The following MICU1 variants were observed in gnomAD, a reference collection of about 807,000 sequenced individuals.
MICU1 encodes mitochondrial calcium uptake 1.
MICU1 carries 45 observed loss-of-function variants against 56.8 expected under a neutral mutation model. The ratio of observed to expected loss-of-function variants is 0.79; its 90% CI spans 0.62 to 1.02. The LOEUF (loss-of-function observed/expected upper bound fraction) is 1.02, where lower values mean the gene tolerates loss of function less well. Among genes scored for constraint, MICU1 ranks in the 50% least tolerant of loss-of-function variants. MICU1 has a pLI of 0.00. For missense variants in MICU1, 504 were observed against 587.1 expected (o/e 0.86, Z 1.46); for synonymous variants, 186 against 195.1 (o/e 0.95, Z 0.39).
intron 8 of MICU1, among the ~76,000 whole-genome samples, chr10:72,429,332 A>G (rs1480064037): frequency 6.6e-6 from 1 of 151,414 alleles, no homozygotes; most frequent in African/African-American, 2.4e-5. Context: ...AGGCAAGGGA[A>G]TCAGTTGAAC....
At chr10:72,372,508 C>T (rs1357035649) in intron 11 of MICU1, among the ~76,000 whole-genome samples, 2 of 151,994 alleles carry the variant, frequency 1.3e-5, no homozygotes, top group Non-Finnish European at 2.9e-5. Flanking sequence ...ATTAAGAGAA[C>T]AGAAAGTTCT....
At chr10:72,534,042 T>A (rs1026275069) in intron 4 of MICU1, among the ~76,000 whole-genome samples, 1 of 152,132 alleles carries the variant, frequency 6.6e-6, no homozygotes, top group Non-Finnish European at 1.5e-5. Flanking sequence ...TATTCAACAG[T>A]AGAGTCCAGT....
intron 1 of MICU1, among the ~76,000 whole-genome samples, chr10:72,611,757 A>T (rs1213444412): frequency 6.6e-6 from 1 of 152,182 alleles, no homozygotes; most frequent in Non-Finnish European, 1.5e-5. Context: ...GAGCTGAAAG[A>T]GACCTTAACA....
intron 10 of MICU1, among the ~76,000 whole-genome samples, chr10:72,399,299 C>T (rs542211288): frequency 6.6e-6 from 1 of 151,328 alleles, no homozygotes; most frequent in Admixed American, 6.6e-5. Context: ...ACATCACACA[C>T]TGGGGCCTGT....
chr10:72,584,200 G>A (rs950287457), intron 1 of MICU1, among the ~76,000 whole-genome samples: 1 of 151,970 alleles, frequency 6.6e-6, no homozygotes, highest in African/African-American at 2.4e-5. Context: ...GAACCTCCAT[G>A]GTTCACCTTC....
chr10:72,448,121 A>ATATGTGTG (rs1554872385), intron 8 of MICU1, among the ~76,000 whole-genome samples: 12 of 121,786 alleles, frequency 9.9e-5, no homozygotes, highest in Non-Finnish European at 1.8e-4. Flanking sequence ...GTTTATATAT[A>ATATGTGTG]TGTGTGTGTG....
intron 9 of MICU1, among the ~76,000 whole-genome samples, chr10:72,422,856 C>A (rs1352262253): frequency 2.4e-5 from 1 of 42,052 alleles, no homozygotes; most frequent in Non-Finnish European, 5.8e-5. Context: ...ATTATGGGCA[C>A]GCGCCACCAT....
chr10:72,550,427 G>T (rs892341014), intron 4 of MICU1, among the ~76,000 whole-genome samples: 1 of 152,132 alleles, frequency 6.6e-6, no homozygotes, highest in African/African-American at 2.4e-5. Flanking sequence ...AATCACCTAA[G>T]GACACATTAC....
At chr10:72,601,631 T>A (rs1490930611) in intron 1 of MICU1, among the ~76,000 whole-genome samples, 2 of 151,948 alleles carry the variant, frequency 1.3e-5, no homozygotes, top group African/African-American at 4.8e-5. Flanking sequence ...CATATAAATT[T>A]ATTTAATGTA....
At chr10:72,453,393 T>A (rs948494322) in intron 8 of MICU1, among the ~76,000 whole-genome samples, 2 of 152,224 alleles carry the variant, frequency 1.3e-5, no homozygotes, top group Non-Finnish European at 2.9e-5. Flanking sequence ...AGAGTTTTAA[T>A]TAACCTTTCC....
chr10:72,540,530 G>A (rs764105943), intron 4 of MICU1, among the ~76,000 whole-genome samples: 17 of 151,994 alleles, frequency 1.1e-4, no homozygotes, highest in Non-Finnish European at 2.5e-4. Flanking sequence ...AATTTAATTA[G>A]CTTGGTGTGA....
intron 10 of MICU1, among the ~76,000 whole-genome samples, chr10:72,390,638 C>G (rs1863037663): frequency 6.6e-6 from 1 of 152,188 alleles, no homozygotes; most frequent in African/African-American, 2.4e-5. Context: ...GTGCCAGGGC[C>G]TAGAAGGTGC....
At chr10:72,591,898 C>T (rs1194699822) in intron 1 of MICU1, among the ~76,000 whole-genome samples, 1 of 151,888 alleles carries the variant, frequency 6.6e-6, no homozygotes, top group Admixed American at 6.6e-5. Flanking sequence ...GGAATCTCAG[C>T]TACTCGAGAG....
intron 1 of MICU1, among the ~76,000 whole-genome samples, chr10:72,617,188 C>T (rs1168334261): frequency 6.6e-6 from 1 of 152,106 alleles, no homozygotes; most frequent in East Asian, 1.9e-4. Context: ...TATTTTAAGG[C>T]AACTCAAATA....
chr10:72,552,510 T>C (rs1840058940), intron 3 of MICU1, among the ~76,000 whole-genome samples: 1 of 152,206 alleles, frequency 6.6e-6, no homozygotes, highest in Admixed American at 6.6e-5. Flanking sequence ...TAAAGCAATT[T>C]ACCAATGTTA....
intron 1 of MICU1, among the ~76,000 whole-genome samples, chr10:72,592,840 T>C (rs1841266272): frequency 6.7e-6 from 1 of 150,352 alleles, no homozygotes; most frequent in Admixed American, 6.7e-5. Context: ...TGGAGAGCAA[T>C]GGCGCAATCT....
At chr10:72,386,181 T>C (rs1405723473) in intron 10 of MICU1, among the ~76,000 whole-genome samples, 1 of 152,030 alleles carries the variant, frequency 6.6e-6, no homozygotes, top group Non-Finnish European at 1.5e-5. Flanking sequence ...TGATTGGGAA[T>C]GTCTTTTTTT....
intron 4 of MICU1, among the ~76,000 whole-genome samples, chr10:72,537,840 T>C (rs945487294): frequency 5.3e-5 from 8 of 152,150 alleles, no homozygotes; most frequent in African/African-American, 1.9e-4. Context: ...TTTAAAAGAC[T>C]TGTTTAAAGA....
chr10:72,374,208 C>G (rs1862440034), intron 11 of MICU1, among the ~76,000 whole-genome samples: 1 of 152,252 alleles, frequency 6.6e-6, no homozygotes, highest in Non-Finnish European at 1.5e-5. Context: ...GCAGTCTTGA[C>G]TTCCCCGCTT....
Sources: gnomAD v4.1 joint callset for allele counts (sites outside exome capture counted in the v4.1 genomes callset) on GRCh38, gnomAD v4.1.1 for gene constraint, MANE v1.5 for transcripts, NCBI Gene and HGNC (gene_info 2026-07-23, HGNC 2026-07-21) for gene names.